Variants in GABPB1 observed in about 807,000 individuals in gnomAD.
GABPB1 encodes the protein GA-binding protein subunit beta-1.
A neutral mutation model predicts 45.9 loss-of-function variants in GABPB1; 15 were observed. That is an observed-to-expected ratio of 0.33 (90% CI 0.22 to 0.50). The LOEUF is 0.50. Ranked by LOEUF, GABPB1 falls within the 20% of genes least tolerant of loss-of-function variation. The probability of loss-of-function intolerance (pLI) is 0.98; values close to 1 mark genes in which losing one functional copy is unlikely to be tolerated. For missense variants in GABPB1, 252 were observed against 457.5 expected (o/e 0.55, Z 4.10); for synonymous variants, 143 against 154.4 (o/e 0.93, Z 0.55).
At chr15:50,331,039 G>A (rs748048945) in intron 1 of GABPB1, among the ~76,000 whole-genome samples, 4 of 152,168 alleles carry the variant, frequency 2.6e-5, no homozygotes, top group African/African-American at 2.4e-5. Flanking sequence ...GAAAGGGAAA[G>A]CAAACCTAGG....
intron 6 of GABPB1, among the ~76,000 whole-genome samples, chr15:50,298,846 G>T (rs971817312): frequency 6.6e-6 from 1 of 151,952 alleles, no homozygotes; most frequent in Non-Finnish European, 1.5e-5. Flanking sequence ...CAGCTACTGG[G>T]GAGGCTGAGG....
At chr15:50,319,536 T>A (rs766838364) in intron 1 of GABPB1, among the ~76,000 whole-genome samples, 1 of 152,134 alleles carries the variant, frequency 6.6e-6, no homozygotes, top group African/African-American at 2.4e-5. Context: ...TGTGCATGTA[T>A]ACTTTCATAA....
intron 1 of GABPB1, among the ~76,000 whole-genome samples, chr15:50,343,393 C>T (rs534628820): frequency 6.6e-6 from 1 of 152,290 alleles, no homozygotes; most frequent in East Asian, 1.9e-4. Flanking sequence ...CAAATGTGTT[C>T]GCACTTTAGG....
chr15:50,321,999 T>C (rs78873404), intron 1 of GABPB1, among the ~76,000 whole-genome samples: 3 of 145,116 alleles, frequency 2.1e-5, no homozygotes, highest in African/African-American at 7.9e-5. Flanking sequence ...AAAAAAAAAA[T>C]CTGAGGTCAA....
intron 1 of GABPB1, among the ~76,000 whole-genome samples, chr15:50,322,455 A>C (rs1470307537): frequency 6.6e-6 from 1 of 151,870 alleles, no homozygotes; most frequent in African/African-American, 2.4e-5. Context: ...CTAAGGCAGG[A>C]GAATCACTTG....
At chr15:50,292,833 TAA>T (rs149020162) in intron 6 of GABPB1, among the ~76,000 whole-genome samples, 11,548 of 140,248 alleles carry the variant, frequency 0.082, 1,318 homozygotes, top group African/African-American at 0.28. Context: ...CTTAGCAAAA[TAA>T]AAGTGTGTAT....
intron 6 of GABPB1, among the ~76,000 whole-genome samples, chr15:50,290,328 G>T (rs954363686): frequency 6.6e-6 from 1 of 152,108 alleles, no homozygotes; most frequent in Non-Finnish European, 1.5e-5. Flanking sequence ...TGGTGGCTCA[G>T]GTCTGTAATC....
At chr15:50,325,744 G>A (rs2047732876) in intron 1 of GABPB1, among the ~76,000 whole-genome samples, 2 of 151,880 alleles carry the variant, frequency 1.3e-5, no homozygotes, top group South Asian at 2.1e-4. Context: ...TGTTAGCCAG[G>A]ATGGTCTCGA....
intron 6 of GABPB1, among the ~76,000 whole-genome samples, chr15:50,294,109 T>G (rs965032625): frequency 6.6e-6 from 1 of 152,200 alleles, no homozygotes; most frequent in Non-Finnish European, 1.5e-5. Flanking sequence ...TGAGATCTCT[T>G]GTTCAATAAG....
chr15:50,347,854 G>C (rs1048639602), intron 1 of GABPB1, among the ~76,000 whole-genome samples: 1 of 152,008 alleles, frequency 6.6e-6, no homozygotes, highest in Non-Finnish European at 1.5e-5. Context: ...TCAGAAGTTG[G>C]AGACCAGCCT....
intron 2 of GABPB1, among the ~76,000 whole-genome samples, chr15:50,307,004 A>T (rs1024744852): frequency 1.3e-5 from 2 of 152,168 alleles, no homozygotes; most frequent in African/African-American, 4.8e-5. Flanking sequence ...TGTTATTATG[A>T]ATAATGTTGC....
chr15:50,317,853 G>A (rs560114021), intron 1 of GABPB1, among the ~76,000 whole-genome samples: 3 of 151,100 alleles, frequency 2.0e-5, no homozygotes, highest in Non-Finnish European at 4.4e-5. Context: ...AGCTTGCAGT[G>A]AGCCGAGATC....
intron 1 of GABPB1, among the ~76,000 whole-genome samples, chr15:50,333,767 G>A (rs543402810): frequency 1.4e-3 from 219 of 152,188 alleles, no homozygotes; most frequent in African/African-American, 5.0e-3. Context: ...GGTGGCTCAC[G>A]CCTGTAATGC....
chr15:50,326,616 G>A (rs34197276), intron 1 of GABPB1, among the ~76,000 whole-genome samples: 71,536 of 151,812 alleles, frequency 0.47, 18,273 homozygotes, highest in Middle Eastern at 0.64. Flanking sequence ...GAGCTGAGAC[G>A]GCGCCATTGC....
At chr15:50,307,474 C>T (rs757151416) in intron 2 of GABPB1, among the ~76,000 whole-genome samples, 4 of 151,990 alleles carry the variant, frequency 2.6e-5, no homozygotes, top group Admixed American at 6.6e-5. Context: ...GAGGCCGAGG[C>T]GGGCTGATCA....
intron 1 of GABPB1, among the ~76,000 whole-genome samples, chr15:50,331,913 C>T (rs1471484117): frequency 5.3e-5 from 8 of 149,846 alleles, no homozygotes; most frequent in African/African-American, 2.0e-4. Context: ...CTCGCTCTGT[C>T]GCCCAGGCTG....
At chr15:50,305,386 G>A (rs1247146348) in intron 2 of GABPB1, among the ~76,000 whole-genome samples, 1 of 152,014 alleles carries the variant, frequency 6.6e-6, no homozygotes, top group Non-Finnish European at 1.5e-5. Context: ...TGTTGCCCAG[G>A]CTGGGGTGCA....
chr15:50,317,431 AAC>A, intron 1 of GABPB1, among the ~76,000 whole-genome samples: 1 of 150,000 alleles, frequency 6.7e-6, no homozygotes, highest in Non-Finnish European at 1.5e-5. Context: ...GAAAAAAAAA[AAC>A]CACTTGGAAA....
chr15:50,296,692 C>T (rs2046523090), intron 6 of GABPB1, among the ~76,000 whole-genome samples: 1 of 152,070 alleles, frequency 6.6e-6, no homozygotes, highest in Non-Finnish European at 1.5e-5. Flanking sequence ...ATGGAGGTCC[C>T]ACTAATGTAT....
Sources: allele counts gnomAD v4.1 joint callset (sites outside exome capture counted in the v4.1 genomes callset), GRCh38; gene constraint gnomAD v4.1.1; transcripts MANE v1.5; gene names NCBI Gene and HGNC (gene_info 2026-07-23, HGNC 2026-07-21).